GPCPD1: variants seen among roughly 807,000 people sequenced by gnomAD.
GPCPD1 encodes the protein glycerophosphocholine phosphodiesterase GPCPD1.
GPCPD1 carries 29 observed loss-of-function variants against 89.2 expected under a neutral mutation model. The observed-to-expected ratio is 0.33, with a 90% CI of 0.24 to 0.44. The LOEUF (loss-of-function observed/expected upper bound fraction) is 0.44, where lower values mean the gene tolerates loss of function less well. GPCPD1 is among the 20% of genes least tolerant of loss of function. The pLI, the probability that GPCPD1 is intolerant of heterozygous loss-of-function variation, is 1.00. For missense variants in GPCPD1, 594 were observed against 808.9 expected (o/e 0.73, Z 3.22); for synonymous variants, 258 against 266.3 (o/e 0.97, Z 0.30).
intron 11 of GPCPD1, among the ~76,000 whole-genome samples, chr20:5,571,229 C>T (rs1457444013): frequency 2.0e-5 from 3 of 152,140 alleles, no homozygotes; most frequent in African/African-American, 4.8e-5. Flanking sequence ...ACTTCCGAAG[C>T]GGGAAACTTA....
chr20:5,593,428 T>G lies in GPCPD1; in HGVS notation c.147-17A>C, dbSNP rs201754167. 2 of 1,400,452 alleles carry G rather than the reference T, an allele frequency of 1.4e-6. No homozygotes were observed. Among genetic ancestry groups the G allele is most frequent in the Admixed American group, 1.7e-5 (1 of 58,364 alleles). 86.8% of individuals were successfully genotyped at this position (1,400,452 alleles called of 1,614,324 possible). ...CATAGCATGCTGTGAAGAAAGAAAA[T>G]TAAAAGCAGCAGCATCAATATCAAA... On this transcript the variant is annotated splice_polypyrimidine_tract_variant and intron_variant, in intron 3 of 19. Transcript: ENST00000379019.
intron 17 of GPCPD1, 92 bp from the exon 18 acceptor site, chr20:5,558,911 A>C: frequency 1.0e-6 from 1 of 991,574 alleles, no homozygotes; most frequent in Non-Finnish European, 1.5e-6. Context: ...AGTATAAAGA[A>C]AACAAACGAG....
rs1410091620 is a variant in GPCPD1 at position 5,575,949 on chromosome 20, A to G, written c.735T>C (p.Gly245=). The G allele has an allele frequency of 9.4e-6, 15 of 1,599,124 alleles. No homozygotes were observed. Among genetic ancestry groups the G allele is most frequent in the Non-Finnish European group, 1.0e-5 (12 of 1,170,254 alleles). The change falls in exon 9 of 20, where the codon GGT becomes GGC. Residue 245 remains glycine, a synonymous_variant. Transcript: ENST00000379019. ...TACCCACATGTCCAGGAAGGGCATC[A>G]CCCTGAACTACGTGCTCACTGAGAT... ...EEDLSEHVVQ[G]DALPGHVGTA...
intron 15 of GPCPD1, among the ~76,000 whole-genome samples, chr20:5,563,272 C>T (rs1272194685): frequency 1.3e-5 from 2 of 151,320 alleles, no homozygotes; most frequent in African/African-American, 4.9e-5. Context: ...AGCCACCACG[C>T]CTGGCCAAAA....
intron 9 of GPCPD1, 47 bp from the exon 10 acceptor site, chr20:5,575,592 A>T: frequency 1.5e-6 from 2 of 1,324,408 alleles, no homozygotes; most frequent in Admixed American, 1.9e-5. Context: ...AATGATTAAA[A>T]GGGCCATTAT....
intron 11 of GPCPD1, among the ~76,000 whole-genome samples, chr20:5,573,654 G>A (rs1986845385): frequency 1.3e-5 from 2 of 152,112 alleles, no homozygotes; most frequent in African/African-American, 4.8e-5. Flanking sequence ...GAGGTGGGAG[G>A]AATGCCTGAG....
chr20:5,577,766 G>A (rs1012304112), intron 8 of GPCPD1, among the ~76,000 whole-genome samples: 1 of 152,056 alleles, frequency 6.6e-6, no homozygotes, highest in Non-Finnish European at 1.5e-5. Flanking sequence ...CCACTACCGA[G>A]CCAGGCCCAC....
chr20:5,578,884 TA>T (rs903502725), intron 7 of GPCPD1, among the ~76,000 whole-genome samples: 1,518 of 150,970 alleles, frequency 0.01, 31 homozygotes, highest in African/African-American at 0.035. Flanking sequence ...ATTCTTTCAT[TA>T]AAAAAAAATA....
rs1303341549 is a variant in GPCPD1, at chr20:5,580,599, G to A, written c.350-468C>T. Among the ~76,000 whole-genome samples, 6 of 151,730 alleles carry A rather than the reference G, an allele frequency of 4.0e-5. No individual in the cohort carries two copies. In the South Asian group the frequency reaches 8.4e-4, roughly 21 times the overall value. Reference sequence around the variant, plus strand: ...AAAATAGCCGGGCGTGGTGGCGGGCGCCTGTAGTCCCAGCTGCTTGGGAGG... The same window carrying A: ...AAAATAGCCGGGCGTGGTGGCGGGCACCTGTAGTCCCAGCTGCTTGGGAGG... On this transcript the variant is annotated intron_variant, in intron 6 of 19. Coordinates refer to ENST00000379019, the MANE Select transcript of GPCPD1 (RefSeq NM_019593.5).
intron 14 of GPCPD1, among the ~76,000 whole-genome samples, chr20:5,565,370 C>T (rs762234287): frequency 1.7e-4 from 26 of 151,820 alleles, no homozygotes; most frequent in Non-Finnish European, 3.4e-4. Flanking sequence ...TAGCTATGCC[C>T]ATAGACATGC....
At chr20:5,594,422 T>G (rs1461758586) in intron 3 of GPCPD1, among the ~76,000 whole-genome samples, 2 of 152,122 alleles carry the variant, frequency 1.3e-5, no homozygotes, top group East Asian at 3.9e-4. Context: ...CCCCAGTAGC[T>G]GGGACTACAG....
chr20:5,558,630 A>T (rs1436597610), intron 18 of GPCPD1, 54 bp downstream of exon 18: 3 of 1,048,542 alleles, frequency 2.9e-6, no homozygotes, highest in East Asian at 2.6e-5. Context: ...CTTTACTACT[A>T]CTCCAAAATA....
chr20:5,572,747 A>G (rs1326814562), intron 11 of GPCPD1, among the ~76,000 whole-genome samples: 1 of 152,198 alleles, frequency 6.6e-6, no homozygotes, highest in African/African-American at 2.4e-5. Flanking sequence ...TTGATTAAAA[A>G]TGTCCAAGTT....
intron 11 of GPCPD1, among the ~76,000 whole-genome samples, chr20:5,570,573 T>A (rs1253654436): frequency 2.0e-5 from 3 of 152,068 alleles, no homozygotes; most frequent in African/African-American, 7.2e-5. Flanking sequence ...AGCTCAGGGA[T>A]CCCACACATT....
chr20:5,571,908 C>CA (rs34332278), intron 11 of GPCPD1, among the ~76,000 whole-genome samples: 2,919 of 125,616 alleles, frequency 0.023, 43 homozygotes, highest in African/African-American at 0.026. Context: ...AACTCCATCT[C>CA]AAAAAAAAAA....
At chr20:5,576,697 A>G (rs1978289976) in intron 8 of GPCPD1, among the ~76,000 whole-genome samples, 1 of 152,178 alleles carries the variant, frequency 6.6e-6, no homozygotes, top group South Asian at 2.1e-4. Flanking sequence ...AATTTTTAAC[A>G]TATTCTCTAA....
intron 8 of GPCPD1, among the ~76,000 whole-genome samples, chr20:5,576,835 T>C (rs6038207): frequency 0.54 from 82,491 of 151,836 alleles, 22,648 homozygotes; most frequent in East Asian, 0.63. Context: ...ACAAAAAATG[T>C]TAAACAAAGT....
intron 19 of GPCPD1, among the ~76,000 whole-genome samples, chr20:5,556,173 A>G (rs1371677833): frequency 6.6e-6 from 1 of 152,182 alleles, no homozygotes; most frequent in Non-Finnish European, 1.5e-5. Context: ...CTCAGACACA[A>G]CGCTACTGTA....
At chr20:5,591,001 A>C (rs1416669169) in intron 4 of GPCPD1, among the ~76,000 whole-genome samples, 1 of 152,164 alleles carries the variant, frequency 6.6e-6, no homozygotes, top group Non-Finnish European at 1.5e-5. Flanking sequence ...ACCCACAAGC[A>C]AAGAGGGGTG....
Sources: allele counts gnomAD v4.1 joint callset (sites outside exome capture counted in the v4.1 genomes callset), GRCh38; gene constraint gnomAD v4.1.1; transcripts MANE v1.5; gene names NCBI Gene and HGNC (gene_info 2026-07-23, HGNC 2026-07-21).